GPR39: variants seen among roughly 807,000 people sequenced by gnomAD.
The protein encoded by GPR39 is zinc sensing receptor.
Under a neutral mutation model 18.4 loss-of-function variants are expected in GPR39, and 23 were observed. That is an observed-to-expected ratio of 1.25 (90% CI 0.90 to 1.77). The LOEUF (loss-of-function observed/expected upper bound fraction) is 1.77. GPR39 is among the 40% of genes most tolerant of loss of function. The pLI, the probability that GPR39 is intolerant of heterozygous loss-of-function variation, is 0.00. For missense variants in GPR39, 647 were observed against 602.4 expected, an observed-to-expected ratio of 1.07 and a Z score of -0.78; for synonymous variants, 280 against 257.9, an observed-to-expected ratio of 1.09 and a Z score of -0.82.
chr2:132,512,385 G>A (rs926449232), intron 1 of GPR39, among the ~76,000 whole-genome samples: 1 of 151,216 alleles, frequency 6.6e-6, no homozygotes, highest in Admixed American at 6.5e-5. Flanking sequence ...AAAAGGATAA[G>A]GGGGGGTACA....
At chr2:132,568,379 C>A (rs1376823048) in intron 1 of GPR39, among the ~76,000 whole-genome samples, 1 of 151,974 alleles carries the variant, frequency 6.6e-6, no homozygotes, top group Non-Finnish European at 1.5e-5. Flanking sequence ...ACATAGATTT[C>A]TATGATGAGG....
intron 1 of GPR39, among the ~76,000 whole-genome samples, chr2:132,470,150 C>T (rs555554888): frequency 6.6e-6 from 1 of 152,272 alleles, no homozygotes; most frequent in Non-Finnish European, 1.5e-5. Flanking sequence ...AGTGTTTGTC[C>T]CTGAATTTGA....
chr2:132,609,716 C>G (rs1020879166), intron 1 of GPR39, among the ~76,000 whole-genome samples: 1 of 152,212 alleles, frequency 6.6e-6, no homozygotes, highest in Non-Finnish European at 1.5e-5. Context: ...TCACTGCTGT[C>G]TGCCAAAAGA....
intron 1 of GPR39, among the ~76,000 whole-genome samples, chr2:132,470,163 G>A (rs573877982): frequency 6.6e-6 from 1 of 152,326 alleles, no homozygotes; most frequent in Non-Finnish European, 1.5e-5. Context: ...GAATTTGAGG[G>A]ACTGGGTGTT....
intron 1 of GPR39, among the ~76,000 whole-genome samples, chr2:132,476,268 T>A (rs1013830969): frequency 2.0e-5 from 3 of 152,126 alleles, no homozygotes; most frequent in African/African-American, 7.2e-5. Flanking sequence ...GATGTCCTGG[T>A]TCCAAAGTTT....
At chr2:132,424,770 G>A (rs11894173) in intron 1 of GPR39, among the ~76,000 whole-genome samples, 2,582 of 152,240 alleles carry the variant, frequency 0.017, 66 homozygotes, top group African/African-American at 0.059. Context: ...GTACAGGCCT[G>A]GCTGTGTTTA....
At chr2:132,542,186 A>G (rs374687765) in intron 1 of GPR39, among the ~76,000 whole-genome samples, 5 of 152,224 alleles carry the variant, frequency 3.3e-5, no homozygotes, top group African/African-American at 7.2e-5. Flanking sequence ...CCATGAAACA[A>G]TACATGCAAA....
At chr2:132,422,765 A>G (rs1056782859) in intron 1 of GPR39, among the ~76,000 whole-genome samples, 2 of 152,134 alleles carry the variant, frequency 1.3e-5, no homozygotes, top group South Asian at 2.1e-4. Context: ...TGGCAGACAA[A>G]TATAATAATG....
Position 132,460,887 on chromosome 2 carries a change from G to T in GPR39, c.856+42989G>T, listed in dbSNP as rs116006152. 2.5e-3 allele frequency among the ~76,000 whole-genome samples: 387 copies of T among 152,288 alleles called. 2 individuals carry two copies. The highest frequency in any genetic ancestry group is 7.8e-3 in the African/African-American group (325 of 41,568). On this transcript the variant is annotated intron_variant, in intron 1 of 1. Transcript: ENST00000329321. ...GGGCTTGCTCGGGGTTGGGCTTTGG[G>T]TGTATGGGTCAGCAAAGCCGAGAGC...
At chr2:132,489,818 ATGTATT>A (rs976640258) in intron 1 of GPR39, among the ~76,000 whole-genome samples, 8 of 151,972 alleles carry the variant, frequency 5.3e-5, no homozygotes, top group African/African-American at 1.9e-4. Context: ...TGTATTAAAA[ATGTATT>A]TGTATTAAAT....
chr2:132,563,104 G>A (rs1680284265), intron 1 of GPR39, among the ~76,000 whole-genome samples: 3 of 152,152 alleles, frequency 2.0e-5, no homozygotes, highest in South Asian at 4.1e-4. Flanking sequence ...TGATTCCAGG[G>A]ATAAGGATAC....
At chr2:132,566,352 G>T (rs1381853466) in intron 1 of GPR39, among the ~76,000 whole-genome samples, 2 of 150,736 alleles carry the variant, frequency 1.3e-5, no homozygotes, top group Non-Finnish European at 3.0e-5. Flanking sequence ...GTTGTAGGTT[G>T]CCTGTTCACT....
intron 1 of GPR39, among the ~76,000 whole-genome samples, chr2:132,533,542 A>G (rs1679682654): frequency 1.3e-5 from 2 of 150,900 alleles, no homozygotes; most frequent in Admixed American, 6.7e-5. Flanking sequence ...TGCCAAGTCA[A>G]TCCTAAGCGA....
chr2:132,481,474 G>A (rs1431747016), intron 1 of GPR39, among the ~76,000 whole-genome samples: 1 of 152,180 alleles, frequency 6.6e-6, no homozygotes, highest in Non-Finnish European at 1.5e-5. Flanking sequence ...GAAACATTTG[G>A]GGACATTTTC....
intron 1 of GPR39, among the ~76,000 whole-genome samples, chr2:132,419,255 TAC>T (rs1679964994): frequency 1.6e-4 from 25 of 152,232 alleles, no homozygotes; most frequent in Admixed American, 1.6e-3. Context: ...ATTTGGATGC[TAC>T]TCTGCATTAG....
At chr2:132,641,214 T>C (rs1176959806) in intron 1 of GPR39, among the ~76,000 whole-genome samples, 3 of 152,228 alleles carry the variant, frequency 2.0e-5, no homozygotes, top group Non-Finnish European at 4.4e-5. Context: ...CAGGATTATA[T>C]AAGTTTTAAA....
intron 1 of GPR39, among the ~76,000 whole-genome samples, chr2:132,641,097 G>A (rs1277119925): frequency 2.0e-5 from 3 of 152,136 alleles, no homozygotes; most frequent in African/African-American, 7.2e-5. Context: ...TTGAGGCAGG[G>A]GAAGTTTATC....
intron 1 of GPR39, among the ~76,000 whole-genome samples, chr2:132,550,650 T>C (rs1239832140): frequency 6.6e-6 from 1 of 152,224 alleles, no homozygotes; most frequent in African/African-American, 2.4e-5. Flanking sequence ...ATCGTTTACA[T>C]AGAATGTCAG....
intron 1 of GPR39, among the ~76,000 whole-genome samples, chr2:132,504,853 A>G (rs180913946): frequency 1.3e-5 from 2 of 152,352 alleles, no homozygotes; most frequent in East Asian, 3.9e-4. Flanking sequence ...AAGAACAACA[A>G]TGGGGTGCCT....
Sources: gnomAD v4.1 joint callset for allele counts (sites outside exome capture counted in the v4.1 genomes callset) on GRCh38, gnomAD v4.1.1 for gene constraint, MANE v1.5 for transcripts, NCBI Gene and HGNC (gene_info 2026-07-23, HGNC 2026-07-21) for gene names.